SNX18: variants seen among roughly 807,000 people sequenced by gnomAD.
The protein encoded by SNX18 is sorting nexin 18, also known as sorting nexin-18.
Under a neutral mutation model 48.7 loss-of-function variants are expected in SNX18, and 35 were observed. That is an observed-to-expected ratio of 0.72 (90% confidence interval 0.55 to 0.95). SNX18 has a LOEUF of 0.95. Ranked by LOEUF, SNX18 falls within the 40% of genes least tolerant of loss-of-function variation. The probability of loss-of-function intolerance (pLI) is 0.00; values close to 1 mark genes in which losing one functional copy is unlikely to be tolerated. For missense variants in SNX18, 824 were observed against 871.0 expected (o/e 0.95, Z 0.68); for synonymous variants, 492 against 384.7 (o/e 1.28, Z -3.26).
the SNX18 span, among the ~76,000 whole-genome samples, chr5:54,630,122 C>T: frequency 6.6e-6 from 1 of 152,202 alleles, no homozygotes; most frequent in Admixed American, 6.5e-5. Flanking sequence ...ATAACTGCAT[C>T]AGGTCCCACC....
At chr5:54,575,894 C>T in the SNX18 span, among the ~76,000 whole-genome samples, 1 of 152,162 alleles carries the variant, frequency 6.6e-6, no homozygotes, top group African/African-American at 2.4e-5. Context: ...AGTCCAGACC[C>T]TTTGTCTTCT....
At chr5:54,581,544 C>T in the SNX18 span, among the ~76,000 whole-genome samples, 2 of 152,120 alleles carry the variant, frequency 1.3e-5, no homozygotes, top group Admixed American at 6.6e-5. Context: ...TCTCCCTGGG[C>T]TCAGCTCTCT....
At chr5:54,560,824 G>A in the SNX18 span, among the ~76,000 whole-genome samples, 1 of 152,116 alleles carries the variant, frequency 6.6e-6, no homozygotes, top group South Asian at 2.1e-4. Flanking sequence ...TCATGTCTGC[G>A]AAAGTGCTTG....
At chr5:54,632,496 C>A in the SNX18 span, among the ~76,000 whole-genome samples, 1 of 152,176 alleles carries the variant, frequency 6.6e-6, no homozygotes, top group African/African-American at 2.4e-5. Flanking sequence ...GTCTCCCACA[C>A]CCCCAGCCCA....
At chr5:54,591,452 A>G in the SNX18 span, among the ~76,000 whole-genome samples, 1 of 152,140 alleles carries the variant, frequency 6.6e-6, no homozygotes, top group Admixed American at 6.5e-5. Context: ...TGGCCTCCCA[A>G]AGTGCTGGGA....
At chr5:54,639,619 T>C in the SNX18 span, among the ~76,000 whole-genome samples, 1 of 152,222 alleles carries the variant, frequency 6.6e-6, no homozygotes, top group Non-Finnish European at 1.5e-5. Context: ...CACGAGAATC[T>C]TGAGGACCAG....
At chr5:54,637,098 G>A in the SNX18 span, among the ~76,000 whole-genome samples, 29 of 152,300 alleles carry the variant, frequency 1.9e-4, no homozygotes, top group Non-Finnish European at 3.8e-4. Context: ...GTGGAACAGT[G>A]GATGTGTGAC....
the SNX18 span, among the ~76,000 whole-genome samples, chr5:54,627,100 C>T: frequency 6.6e-6 from 1 of 152,082 alleles, no homozygotes; most frequent in East Asian, 1.9e-4. Flanking sequence ...ATCTGGTGTG[C>T]TAAGAAAAAT....
chr5:54,525,377 T>TAAA (rs113164405), intron 1 of SNX18, among the ~76,000 whole-genome samples: 1 of 144,012 alleles, frequency 6.9e-6, no homozygotes, highest in African/African-American at 2.6e-5. Context: ...CTTGTCTCTT[T>TAAA]AAAAAAAAAA....
At chr5:54,522,151 G>A (rs1001846172) in intron 1 of SNX18, among the ~76,000 whole-genome samples, 4 of 152,182 alleles carry the variant, frequency 2.6e-5, no homozygotes, top group African/African-American at 9.7e-5. Flanking sequence ...AAGGCTAAAA[G>A]CATTTGCCTA....
chr5:54,595,504 GGATTATAGGTGT>G, the SNX18 span, among the ~76,000 whole-genome samples: 1 of 152,098 alleles, frequency 6.6e-6, no homozygotes, highest in Non-Finnish European at 1.5e-5. Context: ...CAAAGTGCTG[GGATTATAGGTGT>G]GAGCCACCGC....
Position 54,518,567 on chromosome 5 carries a change from C to T in SNX18, c.615C>T (p.Ser205=), listed in dbSNP as rs1433524329. The change falls in exon 1 of 2, where the codon TCC becomes TCT. Residue 205 remains serine, a synonymous_variant. Transcript: ENST00000381410. ...CGCGCTCCGACCTGTCCCTGGGTTC[C>T]CGCGGCGGCTCGGTCCCCCCGCAGC... The part of the protein sequence containing the change: ...LSTRSDLSLG[S]RGGSVPPQHH... 6.3e-7 allele frequency: 1 copy of T among 1,579,958 alleles called. No homozygotes were observed. Among genetic ancestry groups the T allele is most frequent in the Non-Finnish European group, 8.6e-7 (1 of 1,164,174 alleles).
chr5:54,520,945 G>A (rs1020534556), intron 1 of SNX18: 1 of 167,052 alleles, frequency 6.0e-6, no homozygotes, highest in Non-Finnish European at 1.5e-5. Flanking sequence ...GTCTAATATT[G>A]AATTCGTTTT....
At chr5:54,647,223 C>T in the SNX18 span, among the ~76,000 whole-genome samples, 6 of 152,140 alleles carry the variant, frequency 3.9e-5, no homozygotes, top group African/African-American at 1.2e-4. Flanking sequence ...AAATACATGC[C>T]GAGTACTATG....
Position 54,544,222 on chromosome 5 carries a change from C to A in SNX18, c.*790C>A, listed in dbSNP as rs1762527201. ...CAGTAGCATAGCCTCTTCACCCAGG[C>A]GTCCCAAAAGCTTGGCGTGAAGATT... is the stretch of plus-strand genomic sequence containing the variant. On this transcript the variant is annotated 3_prime_UTR_variant, in exon 2 of 2. Transcript: ENST00000381410. 6.6e-6 allele frequency: 1 copy of A among 152,098 alleles called. No individual in the cohort carries two copies. 9.4% of individuals were successfully genotyped at this position (152,098 alleles called of 1,614,324 possible).
the SNX18 span, among the ~76,000 whole-genome samples, chr5:54,585,151 G>A: frequency 2.0e-5 from 3 of 151,992 alleles, no homozygotes; most frequent in Non-Finnish European, 4.4e-5. Context: ...AGTCAGCCAG[G>A]CCTAGTGGCA....
the SNX18 span, among the ~76,000 whole-genome samples, chr5:54,588,324 T>A: frequency 1.3e-4 from 3 of 22,792 alleles, no homozygotes; most frequent in Non-Finnish European, 2.5e-4. Flanking sequence ...TTTTTTTTTT[T>A]TTTTTTTTTT....
At chr5:54,531,863 A>G (rs1762257774) in intron 1 of SNX18, among the ~76,000 whole-genome samples, 1 of 152,210 alleles carries the variant, frequency 6.6e-6, no homozygotes, top group Non-Finnish European at 1.5e-5. Context: ...AGTCGGTACC[A>G]CCGTGGCATA....
the SNX18 span, among the ~76,000 whole-genome samples, chr5:54,629,441 T>C: frequency 6.6e-6 from 1 of 152,246 alleles, no homozygotes; most frequent in African/African-American, 2.4e-5. Flanking sequence ...GATTCTGGTA[T>C]TGTTTGTGCA....
Sources: allele counts gnomAD v4.1 joint callset (sites outside exome capture counted in the v4.1 genomes callset), GRCh38; gene constraint gnomAD v4.1.1; transcripts MANE v1.5; gene names NCBI Gene and HGNC (gene_info 2026-07-23, HGNC 2026-07-21).